Variants in TMEM150C observed in about 807,000 individuals in gnomAD.
TMEM150C encodes the protein transmembrane protein 150C, also known as tentonin 3.
A neutral mutation model predicts 29.9 loss-of-function variants in TMEM150C; 10 were observed. The ratio of observed to expected loss-of-function variants is 0.33; its 90% confidence interval spans 0.21 to 0.57. The LOEUF is 0.57. Ranked by LOEUF, TMEM150C falls within the 20% of genes least tolerant of loss-of-function variation. The pLI is 0.88. For synonymous variants in TMEM150C, 101 were observed against 112.5 expected (o/e 0.90, Z 0.64); for missense variants, 251 against 303.6 (o/e 0.83, Z 1.29).
In TMEM150C at chr4:82,552,587, C is replaced by T. The variant is rs112972876; in HGVS notation, c.-11+9319G>A. Among the ~76,000 whole-genome samples the T allele has an allele frequency of 3.5e-4, 53 of 152,312 alleles. 1 individual carries two copies. The highest frequency in any genetic ancestry group is 1.2e-3 in the African/African-American group (50 of 41,568). ...TCTGAAGTACACAGGCTACCTAGCTCACCTGTGATGTTGCCTAGCCAGTAG... is the reference window on the plus strand; with the variant it reads ...TCTGAAGTACACAGGCTACCTAGCTTACCTGTGATGTTGCCTAGCCAGTAG... On this transcript the variant is annotated intron_variant, in intron 1 of 7. Transcript: ENST00000449862.
intron 1 of TMEM150C, among the ~76,000 whole-genome samples, chr4:82,558,300 C>T (rs1445583636): frequency 6.6e-6 from 1 of 152,080 alleles, no homozygotes; most frequent in Non-Finnish European, 1.5e-5. Context: ...GTTCAATAGC[C>T]ACATGTGGCT....
intron 1 of TMEM150C, among the ~76,000 whole-genome samples, chr4:82,558,267 T>C (rs188969381): frequency 1.4e-3 from 216 of 152,308 alleles, no homozygotes; most frequent in Non-Finnish European, 2.1e-3. Flanking sequence ...AGTTCCTCAA[T>C]TACACTAGCC....
chr4:82,545,405 G>A (rs6842368), intron 1 of TMEM150C, among the ~76,000 whole-genome samples: 19,128 of 152,014 alleles, frequency 0.13, 1,544 homozygotes, highest in African/African-American at 0.22. Flanking sequence ...AAAATAATAA[G>A]AGCCATCTAG....
chr4:82,531,156 G>A (rs1578144681), intron 1 of TMEM150C, among the ~76,000 whole-genome samples: 1 of 152,168 alleles, frequency 6.6e-6, no homozygotes, highest in South Asian at 2.1e-4. Context: ...ACTTAGTAAG[G>A]AGTAAAGATC....
At chr4:82,551,505 G>A (rs981198752) in intron 1 of TMEM150C, among the ~76,000 whole-genome samples, 1 of 152,230 alleles carries the variant, frequency 6.6e-6, no homozygotes, top group African/African-American at 2.4e-5. Context: ...AAAATAGCAG[G>A]GAGAGTCTTC....
intron 1 of TMEM150C, among the ~76,000 whole-genome samples, chr4:82,518,363 G>A (rs1044875984): frequency 6.6e-6 from 1 of 151,514 alleles, no homozygotes; most frequent in South Asian, 2.1e-4. Context: ...GCTGCTCCGT[G>A]CCCTGGCCTC....
At chr4:82,507,780 G>T (rs1300114009) in intron 1 of TMEM150C, among the ~76,000 whole-genome samples, 1 of 93,360 alleles carries the variant, frequency 1.1e-5, no homozygotes, top group African/African-American at 3.8e-5. Context: ...ACACGATCTC[G>T]CTTTGTCACC....
In TMEM150C at chr4:82,495,829, C is replaced by T. The variant is rs569575548; in HGVS notation, c.363+239G>A. On this transcript the variant is annotated intron_variant, in intron 6 of 7. Coordinates refer to ENST00000449862, the MANE Select transcript of TMEM150C (RefSeq NM_001080506.3). ...CTTCTCATAAAAAGTACGAAGTTTGCGTTCATCTTCCACTTTAATGAGTTT... is the reference window on the plus strand; with the variant it reads ...CTTCTCATAAAAAGTACGAAGTTTGTGTTCATCTTCCACTTTAATGAGTTT... 5.4e-5 allele frequency: 27 copies of T among 503,492 alleles called. No homozygotes were observed. The Admixed American group carries it at 5.8e-4, about 11-fold the overall frequency. 31.2% of individuals were successfully genotyped at this position (503,492 alleles called of 1,614,324 possible).
At chr4:82,530,280 A>G (rs1724796780) in intron 1 of TMEM150C, among the ~76,000 whole-genome samples, 1 of 152,102 alleles carries the variant, frequency 6.6e-6, no homozygotes, top group South Asian at 2.1e-4. Flanking sequence ...TTCAGGGGCC[A>G]GGCACGGTGG....
chr4:82,560,746 A>G (rs1467763788), intron 1 of TMEM150C, among the ~76,000 whole-genome samples: 2 of 152,222 alleles, frequency 1.3e-5, no homozygotes, highest in African/African-American at 4.8e-5. Flanking sequence ...GCTGCCCAGA[A>G]TGGAGTTATA....
At chr4:82,534,459 C>T (rs1331523483) in intron 1 of TMEM150C, among the ~76,000 whole-genome samples, 1 of 152,046 alleles carries the variant, frequency 6.6e-6, no homozygotes, top group Non-Finnish European at 1.5e-5. Context: ...AAAAAAGAAG[C>T]CATTTACAAT....
intron 5 of TMEM150C, among the ~76,000 whole-genome samples, chr4:82,502,031 C>A (rs894200432): frequency 1.3e-5 from 2 of 152,066 alleles, no homozygotes; most frequent in African/African-American, 4.8e-5. Context: ...GAAAGCCTGG[C>A]ACTGAGGAGA....
chr4:82,514,377 T>C (rs1724224930), intron 1 of TMEM150C, among the ~76,000 whole-genome samples: 2 of 152,204 alleles, frequency 1.3e-5, no homozygotes, highest in Admixed American at 1.3e-4. Flanking sequence ...AGTGCAGAAG[T>C]CGGGAGATAA....
intron 1 of TMEM150C, among the ~76,000 whole-genome samples, chr4:82,544,886 A>C (rs1458069572): frequency 6.6e-6 from 1 of 152,212 alleles, no homozygotes; most frequent in African/African-American, 2.4e-5. Context: ...GTAATTTAAA[A>C]AAATCTACAA....
At chr4:82,521,599 C>A (rs993302658) in intron 1 of TMEM150C, among the ~76,000 whole-genome samples, 1 of 152,150 alleles carries the variant, frequency 6.6e-6, no homozygotes, top group East Asian at 1.9e-4. Flanking sequence ...AGCATTCAAG[C>A]TGGGCCTTGG....
upstream of TMEM150C, chr4:82,562,100 C>T (rs1377707811): frequency 8.2e-7 from 1 of 1,224,160 alleles, no homozygotes; most frequent in Non-Finnish European, 1.0e-6. Flanking sequence ...GCTAGGCCTT[C>T]GGGGAGAGTT....
intron 1 of TMEM150C, among the ~76,000 whole-genome samples, chr4:82,517,871 T>C (rs935112813): frequency 1.7e-4 from 26 of 152,232 alleles, no homozygotes; most frequent in Non-Finnish European, 3.1e-4. Context: ...AAACTGACTA[T>C]ACAGTCATCA....
chr4:82,504,623 A>G lies in TMEM150C; in HGVS notation c.35T>C (p.Leu12Pro), dbSNP rs952956846. The change falls in exon 2 of 8, where the codon CTA becomes CCA. Residue 12 changes from leucine (L) to proline (P), a missense_variant. Transcript: ENST00000449862. ...AGTAAACAAAGTAAATACAAGAGGT[A>G]GGAACATCCATACGCTGCATTTCTT... ...DGKKCSVWMF[L>P]PLVFTLFTSA... 6.2e-7 allele frequency: 1 copy of G among 1,613,802 alleles called. No homozygotes were observed. The highest frequency in any genetic ancestry group is 2.2e-5 in the East Asian group (1 of 44,888).
intron 1 of TMEM150C, among the ~76,000 whole-genome samples, chr4:82,525,640 C>A (rs1397724904): frequency 6.6e-6 from 1 of 152,258 alleles, no homozygotes; most frequent in South Asian, 2.1e-4. Flanking sequence ...TGCTTAACAG[C>A]TTTGAATATG....
Sources: allele counts gnomAD v4.1 joint callset (sites outside exome capture counted in the v4.1 genomes callset), GRCh38; gene constraint gnomAD v4.1.1; transcripts MANE v1.5; gene names NCBI Gene and HGNC (gene_info 2026-07-23, HGNC 2026-07-21).